SNRNP70: variants seen among roughly 807,000 people sequenced by gnomAD.
SNRNP70 encodes the protein U1 small nuclear ribonucleoprotein 70 kDa.
Under a neutral mutation model 50.5 loss-of-function variants are expected in SNRNP70, and 8 were observed. That is an observed-to-expected ratio of 0.16 (90% CI 0.09 to 0.29). The LOEUF is 0.29. SNRNP70 is among the 10% of genes least tolerant of loss of function. The probability of loss-of-function intolerance (pLI) is 1.00; values close to 1 mark genes in which losing one functional copy is unlikely to be tolerated. For missense variants in SNRNP70, 529 were observed against 663.5 expected, an observed-to-expected ratio of 0.80 and a Z score of 2.23; for synonymous variants, 320 against 252.9, an observed-to-expected ratio of 1.27 and a Z score of -2.52.
At chr19:49,086,840 G>A (rs73046777) in intron 2 of SNRNP70, among the ~76,000 whole-genome samples, 2,610 of 151,732 alleles carry the variant, frequency 0.017, 34 homozygotes, top group Non-Finnish European at 0.027. Flanking sequence ...ACTATACTCC[G>A]GCCTGGGTGA....
rs1475657922 is a variant in SNRNP70, at chr19:49,104,760, G to T, written c.577+25G>T. On this transcript the variant is annotated intron_variant, in intron 8 of 9. Coordinates refer to ENST00000598441, the MANE Select transcript of SNRNP70 (RefSeq NM_003089.6). This position sits in a 1 kb window ranked among gnomAD's most constrained non-coding sequence, Gnocchi z 5.4. The stretch of plus-strand genomic sequence containing the variant: ...GGTGAGCACATCCTGCCTTCGACGG[G>T]CTCTCGGGGGCCCTGGGCCTGGTGG... 6.9e-7 allele frequency: 1 copy of T among 1,455,668 alleles called. No homozygotes were observed. The allele number at this position is 1,455,668 out of a possible 1,614,324, so 90.2% of individuals were successfully genotyped here.
Position 49,107,503 on chromosome 19 carries a change from G to T in SNRNP70, c.578-122G>T. The T allele has an allele frequency of 1.2e-6, 1 of 854,436 alleles. No homozygotes were observed. Among genetic ancestry groups the T allele is most frequent in the South Asian group, 1.5e-5 (1 of 66,192 alleles). 52.9% of individuals were successfully genotyped at this position (854,436 alleles called of 1,614,324 possible). A position where few individuals can be genotyped will look rare whatever the true frequency, so the allele number is the denominator to read the frequency against. ...GGGATGAACTGCACGGGGGGACCCGGCCCTGTGAACACTAAGCCAGGGGCT... is the reference window on the plus strand; with the variant it reads ...GGGATGAACTGCACGGGGGGACCCGTCCCTGTGAACACTAAGCCAGGGGCT... On this transcript the variant is annotated intron_variant, in intron 8 of 9. Coordinates refer to ENST00000598441, the MANE Select transcript of SNRNP70 (RefSeq NM_003089.6). The surrounding 1 kb of genome is among the most constrained non-coding windows in gnomAD (Gnocchi z 6.0).
chr19:49,096,057 A>T (rs1223951926), intron 4 of SNRNP70, among the ~76,000 whole-genome samples: 1 of 150,740 alleles, frequency 6.6e-6, no homozygotes, highest in African/African-American at 2.4e-5. Context: ...AGGTATGGCA[A>T]GGAACGTTTT....
chr19:49,093,338 G>A (rs998060438), intron 4 of SNRNP70, among the ~76,000 whole-genome samples: 1 of 151,746 alleles, frequency 6.6e-6, no homozygotes, highest in Non-Finnish European at 1.5e-5. Flanking sequence ...TGCCCGCCTC[G>A]GTCTCCCAAA....
rs1035810443 is a variant in SNRNP70 at position 49,104,990 on chromosome 19, C to T, written c.577+255C>T. 6.6e-6 allele frequency among the ~76,000 whole-genome samples: 1 copy of T among 152,172 alleles called. No homozygotes were observed. The highest frequency in any genetic ancestry group is 1.5e-5 in the Non-Finnish European group (1 of 68,038). On this transcript the variant is annotated intron_variant, in intron 8 of 9. Transcript: ENST00000598441. This position sits in a 1 kb window ranked among gnomAD's most constrained non-coding sequence, Gnocchi z 5.4. ...ACATGCTGGCGTCCGCCCTTGCTAGCTGGGGGTCCCCTTTTCCTGCCTCAT... is the reference window on the plus strand; with the variant it reads ...ACATGCTGGCGTCCGCCCTTGCTAGTTGGGGGTCCCCTTTTCCTGCCTCAT...
Position 49,101,482 on chromosome 19 carries a change from C to G in SNRNP70, c.475+11C>G. ...AGCGAGACATGCACTGTGAGTACCTCCCGCCGAGCCCTGCCCTCTGACCTG... is the reference window on the plus strand; with the variant it reads ...AGCGAGACATGCACTGTGAGTACCTGCCGCCGAGCCCTGCCCTCTGACCTG... On this transcript the variant is annotated intron_variant, in intron 7 of 9. Transcript: ENST00000598441. 1 of 1,600,904 alleles carries G rather than the reference C, an allele frequency of 6.2e-7. No individual in the cohort carries two copies. The highest frequency in any genetic ancestry group is 8.6e-7 in the Non-Finnish European group (1 of 1,168,030).
chr19:49,088,527 C>G (rs1469670450), intron 2 of SNRNP70, among the ~76,000 whole-genome samples: 1 of 114,586 alleles, frequency 8.7e-6, no homozygotes, highest in Non-Finnish European at 1.8e-5. Flanking sequence ...GATGGAGTAT[C>G]GCTCTGTTGC....
intron 7 of SNRNP70, chr19:49,103,406 T>A (rs2040617264): frequency 1.3e-5 from 2 of 152,632 alleles, no homozygotes; most frequent in Non-Finnish European, 2.9e-5. Context: ...CCCCTCCCTG[T>A]AGCTTTAGCT....
In SNRNP70 at chr19:49,099,969, C is replaced by T. The variant is rs903397936; in HGVS notation, c.393+1265C>T. 3.3e-5 allele frequency among the ~76,000 whole-genome samples: 5 copies of T among 152,224 alleles called. No individual in the cohort carries two copies. In the East Asian group the frequency reaches 9.6e-4, roughly 29 times the overall value. On this transcript the variant is annotated intron_variant, in intron 6 of 9. Coordinates refer to ENST00000598441, the MANE Select transcript of SNRNP70 (RefSeq NM_003089.6). ...ATATATGTGTACACACACACACACA[C>T]GTTGTTCTGCCTTGCACAGCCCAGT... is the stretch of plus-strand genomic sequence containing the variant.
At chr19:49,096,302 C>T (rs1443225012) in intron 4 of SNRNP70, among the ~76,000 whole-genome samples, 1 of 151,908 alleles carries the variant, frequency 6.6e-6, no homozygotes, top group Non-Finnish European at 1.5e-5. Context: ...GGTGATCCGT[C>T]CGCCTTAGCC....
chr19:49,098,973 T>C (rs978762645), intron 6 of SNRNP70, among the ~76,000 whole-genome samples: 1 of 152,208 alleles, frequency 6.6e-6, no homozygotes, highest in Non-Finnish European at 1.5e-5. Flanking sequence ...GGTCTGTTTG[T>C]TTACACATTG....
chr19:49,099,299 T>C (rs2040551401), intron 6 of SNRNP70, among the ~76,000 whole-genome samples: 3 of 152,150 alleles, frequency 2.0e-5, no homozygotes, highest in South Asian at 4.1e-4. Flanking sequence ...TATTTATACA[T>C]GTCAGGCCGG....
At chr19:49,102,146 C>T (rs1397491584) in intron 7 of SNRNP70, 2 of 1,289,428 alleles carry the variant, frequency 1.6e-6, no homozygotes, top group Non-Finnish European at 2.0e-6. Flanking sequence ...CTGATGCTTA[C>T]GCTCCCCTTA....
At position 49,105,533 on chromosome 19, in the gene SNRNP70, C is replaced by T. The variant is rs1422389840; in HGVS notation, c.577+798C>T. ...CATGAGGTCAGGAGTTCGAGACCAG[C>T]CTGGCCAAGATGTTGAAACCGCATC... On this transcript the variant is annotated intron_variant, in intron 8 of 9. Transcript: ENST00000598441. 2.0e-5 allele frequency among the ~76,000 whole-genome samples: 3 copies of T among 151,946 alleles called. No individual in the cohort carries two copies. In the East Asian group the frequency reaches 5.8e-4, roughly 29 times the overall value.
rs1316594899 is a variant in SNRNP70, at chr19:49,108,096, G to A, written c.967G>A (p.Gly323Ser). ...CGACATGGCGGAGCCCTCCGAGGCG[G>A]GTGACGCGCCCCCTGATGATGGGCC... ...GGDMAEPSEA[G>S]DAPPDDGPPG... is the part of the protein sequence containing the mutation. The change falls in exon 10 of 10, where the codon GGT becomes AGT. Residue 323 changes from glycine to serine, a missense_variant. Physicochemically the swap from Gly to Ser is moderately conservative, Grantham distance 56. Transcript: ENST00000598441. The A allele has an allele frequency of 1.9e-6, 3 of 1,552,134 alleles. No homozygotes were observed. The highest frequency in any genetic ancestry group is 1.2e-5 in the South Asian group (1 of 83,766).
rs778356739 is a variant in SNRNP70 at position 49,108,079 on chromosome 19, C to T, written c.950C>T (p.Ala317Val). 23 of 1,554,150 alleles carry T rather than the reference C, an allele frequency of 1.5e-5. No individual in the cohort carries two copies. The highest frequency in any genetic ancestry group is 1.1e-4 in the South Asian group (9 of 84,098). ...EELRGGGGDMAEPSEAGDAPP... is the reference protein window; with the variant it reads ...EELRGGGGDMVEPSEAGDAPP... ...CTGCGTGGCGGCGGTGGCGACATGG[C>T]GGAGCCCTCCGAGGCGGGTGACGCG... Residue 317 changes from alanine (A) to valine (V), a missense_variant, in exon 10 of 10, where the codon GCG becomes GTG. Around this residue, in one of 4 missense-constraint regions of SNRNP70, gnomAD observed 327 missense variants for 308.8 expected, o/e 1.06. Transcript: ENST00000598441.
intron 5 of SNRNP70, 30 bp downstream of exon 5, chr19:49,098,521 C>T (rs778268703): frequency 1.7e-5 from 28 of 1,607,308 alleles, no homozygotes; most frequent in Non-Finnish European, 2.3e-5. Flanking sequence ...CTCCTGGAAC[C>T]CCACGCTGCT....
chr19:49,089,824 G>A (rs2040426633), intron 2 of SNRNP70, among the ~76,000 whole-genome samples: 3 of 151,386 alleles, frequency 2.0e-5, no homozygotes, highest in South Asian at 2.1e-4. Flanking sequence ...CACCACGCCC[G>A]GCTAATTTTT....
rs776824396 is a variant in SNRNP70 at position 49,107,761 on chromosome 19, A to C, written c.666-34A>C. Reference sequence around the variant, plus strand: ...TGGGGTGGGGGGCGGTCACGGGGGGAGCCCAGCCACACAGGTCTGCCCACC... The same window carrying C: ...TGGGGTGGGGGGCGGTCACGGGGGGCGCCCAGCCACACAGGTCTGCCCACC... On this transcript the variant is annotated intron_variant, in intron 9 of 9. Transcript: ENST00000598441. This position sits in a 1 kb window ranked among gnomAD's most constrained non-coding sequence, Gnocchi z 6.0. The C allele has an allele frequency of 1.9e-6, 3 of 1,607,122 alleles. No homozygotes were observed. Among genetic ancestry groups the C allele is most frequent in the Non-Finnish European group, 8.5e-7 (1 of 1,177,506 alleles).
Sources: allele counts gnomAD v4.1 joint callset (sites outside exome capture counted in the v4.1 genomes callset), GRCh38; gene constraint gnomAD v4.1.1; regional missense constraint gnomAD v4.1.1; non-coding constraint Gnocchi (gnomAD v3.1); transcripts MANE v1.5; gene names NCBI Gene and HGNC (gene_info 2026-07-23, HGNC 2026-07-21).